The following SUMF1 variants were observed in gnomAD, a reference collection of about 807,000 sequenced individuals.
SUMF1 encodes the protein formylglycine-generating enzyme.
A neutral mutation model predicts 47.6 loss-of-function variants in SUMF1; 48 were observed. The observed-to-expected ratio is 1.01, with a 90% CI of 0.80 to 1.28. The LOEUF is 1.28. Ranked by LOEUF, SUMF1 falls within the 50% of genes most tolerant of loss-of-function variation. The pLI is 0.00. For synonymous variants in SUMF1, 230 were observed against 192.1 expected, an observed-to-expected ratio of 1.20 and a Z score of -1.63; for missense variants, 571 against 485.4, an observed-to-expected ratio of 1.18 and a Z score of -1.66.
chr3:4,413,632 C>G (rs116459698), intron 6 of SUMF1, among the ~76,000 whole-genome samples: 1,729 of 151,998 alleles, frequency 0.011, 38 homozygotes, highest in African/African-American at 0.039. Context: ...GATGAATAAG[C>G]TGATATGCGT....
At chr3:4,208,181 C>G (rs1020804037) in intron 8 of SUMF1, among the ~76,000 whole-genome samples, 1 of 152,054 alleles carries the variant, frequency 6.6e-6, no homozygotes, top group Admixed American at 6.6e-5. Flanking sequence ...AAATACCCAA[C>G]TCCAGCCAAT....
At chr3:4,106,463 G>A (rs925806739) in intron 8 of SUMF1, among the ~76,000 whole-genome samples, 1 of 151,980 alleles carries the variant, frequency 6.6e-6, no homozygotes, top group Non-Finnish European at 1.5e-5. Context: ...CCTCATTGTA[G>A]GTAATAGTTT....
At chr3:4,355,093 T>C (rs1699589160) in intron 8 of SUMF1, among the ~76,000 whole-genome samples, 1 of 152,194 alleles carries the variant, frequency 6.6e-6, no homozygotes, top group Admixed American at 6.5e-5. Flanking sequence ...CTCACGCCTG[T>C]AATCCCAGCA....
intron 8 of SUMF1, among the ~76,000 whole-genome samples, chr3:4,230,068 G>A (rs930113558): frequency 6.7e-6 from 1 of 148,178 alleles, no homozygotes; most frequent in Non-Finnish European, 1.5e-5. Context: ...ATTTACGATA[G>A]TTTTTTTTTT....
chr3:4,448,695 C>T (rs1432756543), intron 3 of SUMF1, among the ~76,000 whole-genome samples: 1 of 152,184 alleles, frequency 6.6e-6, no homozygotes, highest in Non-Finnish European at 1.5e-5. Context: ...CCGTTTGTTT[C>T]CATGTCTGAG....
intron 8 of SUMF1, among the ~76,000 whole-genome samples, chr3:4,159,013 G>A (rs1694514992): frequency 6.6e-6 from 1 of 151,422 alleles, no homozygotes; most frequent in Non-Finnish European, 1.5e-5. Context: ...TACTGTCTGT[G>A]TCTTGAAAAG....
At chr3:4,230,755 AG>A (rs1156682715) in intron 8 of SUMF1, among the ~76,000 whole-genome samples, 1 of 152,072 alleles carries the variant, frequency 6.6e-6, no homozygotes, top group Non-Finnish European at 1.5e-5. Context: ...TCTGGTGACC[AG>A]CCCCCATTCT....
chr3:4,431,899 A>G (rs1410512993), intron 3 of SUMF1, among the ~76,000 whole-genome samples: 3 of 152,176 alleles, frequency 2.0e-5, no homozygotes, highest in Non-Finnish European at 4.4e-5. Context: ...AAGTCAGTCT[A>G]TGAATAGATG....
chr3:4,144,188 A>G (rs1290452505), intron 8 of SUMF1, among the ~76,000 whole-genome samples: 1 of 151,810 alleles, frequency 6.6e-6, no homozygotes, highest in East Asian at 1.9e-4. Context: ...GCTGGTCTCA[A>G]ACTCCTGGGC....
chr3:4,316,699 A>G (rs775359405), intron 8 of SUMF1: 2 of 1,551,080 alleles, frequency 1.3e-6, no homozygotes, highest in South Asian at 1.2e-5. Context: ...ATTTTATATG[A>G]CAACCGGCGA....
chr3:4,259,308 T>C (rs958654991), intron 8 of SUMF1, among the ~76,000 whole-genome samples: 1 of 152,152 alleles, frequency 6.6e-6, no homozygotes, highest in African/African-American at 2.4e-5. Flanking sequence ...AAACAGTTTC[T>C]TTTCATTGTT....
At position 4,391,884 on chromosome 3, in the gene SUMF1, T is replaced by C. The variant is rs942049546; in HGVS notation, c.955-15495A>G. Among the ~76,000 whole-genome samples the C allele has an allele frequency of 4.0e-5, 6 of 151,546 alleles. No homozygotes were observed. In the East Asian group the frequency reaches 5.8e-4, roughly 15 times the overall value. On this transcript the variant is annotated intron_variant, in intron 7 of 8. Transcript: ENST00000272902. ...GCTCTGTCACACAGGCTGGAGTGCATTGGTGCAATCTTGGTTCACCACAGC... is the reference window on the plus strand; with the variant it reads ...GCTCTGTCACACAGGCTGGAGTGCACTGGTGCAATCTTGGTTCACCACAGC...
chr3:4,285,144 C>T (rs1697607305), intron 8 of SUMF1, among the ~76,000 whole-genome samples: 1 of 152,118 alleles, frequency 6.6e-6, no homozygotes, highest in Admixed American at 6.6e-5. Flanking sequence ...TTCTTGGGTA[C>T]AATTATAATT....
At chr3:4,304,470 G>A (rs1698102091) in intron 8 of SUMF1, among the ~76,000 whole-genome samples, 1 of 152,158 alleles carries the variant, frequency 6.6e-6, no homozygotes, top group South Asian at 2.1e-4. Context: ...CTCCGACCTT[G>A]GCCTGAGCGT....
chr3:4,360,391 G>T (rs1296493040), downstream of SUMF1, among the ~76,000 whole-genome samples: 1 of 151,090 alleles, frequency 6.6e-6, no homozygotes, highest in Non-Finnish European at 1.5e-5. Context: ...GCAATGGCGC[G>T]ATCTCGGCTC....
intron 8 of SUMF1, among the ~76,000 whole-genome samples, chr3:4,223,364 G>C (rs534244745): frequency 6.6e-6 from 1 of 152,282 alleles, no homozygotes; most frequent in African/African-American, 2.4e-5. Context: ...TTCCTCAGCA[G>C]TGGAGGATGG....
At chr3:4,420,016 T>A in intron 4 of SUMF1, 48 bp downstream of exon 4, 1 of 1,511,772 alleles carries the variant, frequency 6.6e-7, no homozygotes, top group Non-Finnish European at 9.2e-7. Context: ...AAAGGGTACC[T>A]ATTTTGCAAT....
intron 8 of SUMF1, among the ~76,000 whole-genome samples, chr3:4,349,076 A>T (rs1361450566): frequency 6.6e-6 from 1 of 152,240 alleles, no homozygotes; most frequent in Non-Finnish European, 1.5e-5. Context: ...TCTACAGAAC[A>T]GGAGACAATT....
chr3:4,451,325 G>A (rs184666447), intron 2 of SUMF1, among the ~76,000 whole-genome samples: 1 of 152,256 alleles, frequency 6.6e-6, no homozygotes, highest in Admixed American at 6.5e-5. Flanking sequence ...TGGTAACAAA[G>A]TTAGAGGTAC....
Sources: gnomAD v4.1 joint callset for allele counts (sites outside exome capture counted in the v4.1 genomes callset) on GRCh38, gnomAD v4.1.1 for gene constraint, MANE v1.5 for transcripts, NCBI Gene and HGNC (gene_info 2026-07-23, HGNC 2026-07-21) for gene names.